CADM1: variants seen among roughly 807,000 people sequenced by gnomAD.
CADM1 encodes the protein TSLC-1.
CADM1 carries 15 observed loss-of-function variants against 53.1 expected under a neutral mutation model. The ratio of observed to expected loss-of-function variants is 0.28; its 90% CI spans 0.19 to 0.44. CADM1 has a LOEUF of 0.44. Among genes scored for constraint, CADM1 ranks in the 20% least tolerant of loss-of-function variants. CADM1 has a pLI of 1.00. For synonymous variants in CADM1, 281 were observed against 243.0 expected (o/e 1.16, Z -1.45); for missense variants, 434 against 611.3 (o/e 0.71, Z 3.06).
At chr11:115,208,569 C>T (rs1040885875) in intron 8 of CADM1, among the ~76,000 whole-genome samples, 2 of 152,288 alleles carry the variant, frequency 1.3e-5, no homozygotes, top group East Asian at 1.9e-4. Context: ...CCAGGGCACA[C>T]GGTTCAGATA....
At chr11:115,176,665 T>A in intron 11 of CADM1, 73 bp from the exon 12 acceptor site, 1 of 1,241,844 alleles carries the variant, frequency 8.1e-7, no homozygotes, top group Non-Finnish European at 1.2e-6. Context: ...GATGGCAACT[T>A]GCTTTATGGC....
At chr11:115,428,780 CGTGTGTGTGTGTGT>C (rs45437796) in intron 1 of CADM1, among the ~76,000 whole-genome samples, 1 of 151,022 alleles carries the variant, frequency 6.6e-6, no homozygotes, top group South Asian at 2.1e-4. Context: ...TGTGTGTGTG[CGTGTGTGTGTGTGT>C]GTGTACGTGT....
At chr11:115,482,203 C>A (rs1351527395) in intron 1 of CADM1, among the ~76,000 whole-genome samples, 4 of 152,130 alleles carry the variant, frequency 2.6e-5, no homozygotes, top group Non-Finnish European at 5.9e-5. Context: ...AAGAGACCCC[C>A]TAGAAGTCTT....
chr11:115,464,673 C>T (rs1948861085), intron 1 of CADM1, among the ~76,000 whole-genome samples: 1 of 152,130 alleles, frequency 6.6e-6, no homozygotes, highest in Admixed American at 6.5e-5. Context: ...CTTCCCTCTT[C>T]AAAACACACT....
At chr11:115,176,687 G>A (rs1939045233) in intron 11 of CADM1, 95 bp from the exon 12 acceptor site, 22 of 1,016,712 alleles carry the variant, frequency 2.2e-5, no homozygotes, top group Middle Eastern at 2.1e-4. Flanking sequence ...ATCATCAGCC[G>A]AAGTGGTGTG....
chr11:115,434,696 C>A (rs771961327), intron 1 of CADM1, among the ~76,000 whole-genome samples: 1 of 152,194 alleles, frequency 6.6e-6, no homozygotes, highest in African/African-American at 2.4e-5. Flanking sequence ...CTTCCTGTGG[C>A]TGGTTTTCAC....
chr11:115,210,013 T>G (rs1940884717), intron 7 of CADM1, among the ~76,000 whole-genome samples: 2 of 152,222 alleles, frequency 1.3e-5, no homozygotes, highest in South Asian at 4.1e-4. Context: ...TCATTTCGTT[T>G]CAGCTTTTAC....
intron 1 of CADM1, among the ~76,000 whole-genome samples, chr11:115,297,379 G>C (rs116608101): frequency 6.6e-5 from 10 of 152,158 alleles, no homozygotes; most frequent in African/African-American, 2.4e-4. Context: ...TATAAAAAAG[G>C]CTTCTTTGAT....
intron 1 of CADM1, among the ~76,000 whole-genome samples, chr11:115,430,319 T>A (rs527695085): frequency 6.6e-6 from 1 of 152,228 alleles, no homozygotes; most frequent in South Asian, 2.1e-4. Flanking sequence ...TTAGAGATCC[T>A]GACAATCTTT....
intron 1 of CADM1, among the ~76,000 whole-genome samples, chr11:115,337,759 G>C (rs963193781): frequency 5.9e-5 from 9 of 152,088 alleles, no homozygotes; most frequent in African/African-American, 9.7e-5. Flanking sequence ...ACACCATGGA[G>C]TAGTGATAAT....
intron 1 of CADM1, chr11:115,240,869 G>T: frequency 4.9e-6 from 1 of 203,670 alleles, no homozygotes; most frequent in Non-Finnish European, 1.0e-5. Context: ...TAGGTAGGAG[G>T]GTTCAATAAA....
chr11:115,279,941 G>A (rs1004005175), intron 1 of CADM1, among the ~76,000 whole-genome samples: 1 of 152,188 alleles, frequency 6.6e-6, no homozygotes, highest in Non-Finnish European at 1.5e-5. Flanking sequence ...TAGGATGAGT[G>A]CGTGACTCGC....
chr11:115,282,726 T>C (rs1038664310), intron 1 of CADM1, among the ~76,000 whole-genome samples: 15 of 152,180 alleles, frequency 9.9e-5, no homozygotes, highest in Admixed American at 7.9e-4. Context: ...CACATCTTCA[T>C]ACACCAATCG....
At chr11:115,464,003 A>C (rs1393044072) in intron 1 of CADM1, among the ~76,000 whole-genome samples, 1 of 152,202 alleles carries the variant, frequency 6.6e-6, no homozygotes, top group Non-Finnish European at 1.5e-5. Flanking sequence ...TAGGCCTTTA[A>C]GTCCCTGAGA....
chr11:115,435,873 A>T (rs1276382567), intron 1 of CADM1, among the ~76,000 whole-genome samples: 1 of 152,240 alleles, frequency 6.6e-6, no homozygotes, highest in Admixed American at 6.5e-5. Context: ...AATATTTACT[A>T]TCTGGCCCTT....
intron 1 of CADM1, among the ~76,000 whole-genome samples, chr11:115,485,942 T>C (rs1053464525): frequency 1.1e-4 from 17 of 152,234 alleles, no homozygotes; most frequent in African/African-American, 4.1e-4. Context: ...AAAACCAAGT[T>C]CATTGCATTC....
chr11:115,376,497 T>A (rs1415151706), intron 1 of CADM1, among the ~76,000 whole-genome samples: 2 of 152,092 alleles, frequency 1.3e-5, no homozygotes, highest in South Asian at 4.2e-4. Context: ...TATGGCATAG[T>A]GCAAACAGAG....
At chr11:115,442,212 C>A (rs562910588) in intron 1 of CADM1, among the ~76,000 whole-genome samples, 4 of 151,488 alleles carry the variant, frequency 2.6e-5, no homozygotes, top group African/African-American at 9.7e-5. Flanking sequence ...GGCAAGGGAC[C>A]AATGAGTGAA....
At chr11:115,310,870 G>T (rs926010998) in intron 1 of CADM1, among the ~76,000 whole-genome samples, 1 of 152,050 alleles carries the variant, frequency 6.6e-6, no homozygotes, top group Non-Finnish European at 1.5e-5. Context: ...TTAAAATGAA[G>T]AAAAAAGAAG....
Sources: allele counts gnomAD v4.1 joint callset (sites outside exome capture counted in the v4.1 genomes callset), GRCh38; gene constraint gnomAD v4.1.1; transcripts MANE v1.5; gene names NCBI Gene and HGNC (gene_info 2026-07-23, HGNC 2026-07-21).